The following RNF187 variants were observed in gnomAD, a reference collection of about 807,000 sequenced individuals.
RNF187 encodes the protein E3 ubiquitin-protein ligase RNF187.
A neutral mutation model predicts 22.2 loss-of-function variants in RNF187; 18 were observed. The ratio of observed to expected loss-of-function variants is 0.81; its 90% CI spans 0.56 to 1.20. RNF187 has a LOEUF of 1.20. Among genes scored for constraint, RNF187 ranks in the 50% most tolerant of loss-of-function variants. The pLI is 0.00. For missense variants in RNF187, 329 were observed against 317.6 expected (o/e 1.04, Z -0.27); for synonymous variants, 164 against 140.9 (o/e 1.16, Z -1.16).
chr1:228,491,387 CAAAAAAA>C lies in RNF187; in HGVS notation c.484-1650_484-1644del. ...TGGGTGACAGAGTGAGGCCCTATCT[CAAAAAAA>C]AAAAAAAAAAAAAAATAAAGGGAGA... On this transcript the variant is annotated intron_variant, in intron 2 of 3. Coordinates refer to ENST00000305943, the MANE Select transcript of RNF187 (RefSeq NM_001010858.3). Among the ~76,000 whole-genome samples the C allele has an allele frequency of 1.3e-3, 99 of 75,564 alleles. 3 individuals carry two copies. Among genetic ancestry groups the C allele is most frequent in the East Asian group, 0.011 (25 of 2,226 alleles). The allele number at this position is 75,564 out of a possible 152,430, so 49.6% of individuals were successfully genotyped here.
At position 228,492,959 on chromosome 1, in the gene RNF187, G is replaced by A; in HGVS notation, c.484-94G>A. On this transcript the variant is annotated intron_variant, in intron 2 of 3. Transcript: ENST00000305943. ...GTGCCTGAGCAGCATGTTTTGGAGTGGCATGTTCTTAACTCCTTCAAGAGC... is the reference window on the plus strand; with the variant it reads ...GTGCCTGAGCAGCATGTTTTGGAGTAGCATGTTCTTAACTCCTTCAAGAGC... 3.0e-4 allele frequency: 388 copies of A among 1,302,144 alleles called. 2 individuals carry two copies. In the African/African-American group the frequency reaches 5.3e-3, roughly 18 times the overall value. 80.7% of individuals were successfully genotyped at this position (1,302,144 alleles called of 1,614,324 possible).
intron 2 of RNF187, among the ~76,000 whole-genome samples, chr1:228,491,475 C>G: frequency 6.7e-6 from 1 of 148,194 alleles, no homozygotes; most frequent in African/African-American, 2.5e-5. Context: ...GAGTCTTGCT[C>G]TGTTGCCCAG....
In RNF187 at chr1:228,493,339, T is replaced by C; in HGVS notation, c.705+65T>C. 6.7e-6 allele frequency: 10 copies of C among 1,501,958 alleles called. No individual in the cohort carries two copies. The highest frequency in any genetic ancestry group is 4.2e-5 in the African/African-American group (3 of 72,032). The allele number at this position is 1,501,958 out of a possible 1,614,324, so 93.0% of individuals were successfully genotyped here. On this transcript the variant is annotated intron_variant, in intron 3 of 3. Coordinates refer to ENST00000305943, the MANE Select transcript of RNF187 (RefSeq NM_001010858.3). The surrounding 1 kb of genome is among the most constrained non-coding windows in gnomAD (Gnocchi z 4.7). ...GGTGGACGCAGGCAGCAGCGAGCCA[T>C]TGGGGGACCATTGCCCGAAGTCAAG...
At position 228,493,497 on chromosome 1, in the gene RNF187, A is replaced by G; in HGVS notation, c.705+223A>G. Among the ~76,000 whole-genome samples, 1 of 152,202 alleles carries G rather than the reference A, an allele frequency of 6.6e-6. No homozygotes were observed. The highest frequency in any genetic ancestry group is 1.5e-5 in the Non-Finnish European group (1 of 68,024). On this transcript the variant is annotated intron_variant, in intron 3 of 3. Transcript: ENST00000305943. This position sits in a 1 kb window ranked among gnomAD's most constrained non-coding sequence, Gnocchi z 4.7. ...GGTCTGAGGTGTCCCTGACCTTCAC[A>G]AAGGAGGGCACTTGGCATCCCGAGT... is the stretch of plus-strand genomic sequence containing the variant.
Position 228,495,481 on chromosome 1 carries a change from G to A in RNF187, c.*1596G>A. 3,565 of 985,332 alleles carry A rather than the reference G, an allele frequency of 3.6e-3. 102 individuals carry two copies. In the African/African-American group the frequency reaches 0.059, roughly 16 times the overall value. The allele number at this position is 985,332 out of a possible 1,614,324, so 61.0% of individuals were successfully genotyped here. The stretch of plus-strand genomic sequence containing the variant: ...CCAAGTAGAGAATCTTTGTCAGCAC[G>A]CCAACAACATCCCGACCCTGAGACC... On this transcript the variant is annotated 3_prime_UTR_variant, in exon 4 of 4. Coordinates refer to ENST00000305943, the MANE Select transcript of RNF187 (RefSeq NM_001010858.3).
At position 228,487,412 on chromosome 1, in the gene RNF187, G is replaced by C. The variant is rs914829208; in HGVS notation, c.-77G>C. 2 of 1,068,992 alleles carry C rather than the reference G, an allele frequency of 1.9e-6. No homozygotes were observed. The highest frequency in any genetic ancestry group is 4.5e-5 in the South Asian group (1 of 22,066). The allele number at this position is 1,068,992 out of a possible 1,614,324, so 66.2% of individuals were successfully genotyped here. On this transcript the variant is annotated 5_prime_UTR_variant, in exon 1 of 4. Transcript: ENST00000305943. ...CGTCTTCGTCCTGTTGCTGGTCTCC[G>C]TCCGGTCGCCGGCCGTCTAGGTCTC... is the stretch of plus-strand genomic sequence containing the variant.
In RNF187 at chr1:228,494,524, C is replaced by G; in HGVS notation, c.*639C>G. 2.0e-6 allele frequency: 2 copies of G among 986,450 alleles called. No individual in the cohort carries two copies. Among genetic ancestry groups the G allele is most frequent in the African/African-American group, 1.7e-5 (1 of 57,356 alleles). 61.1% of individuals were successfully genotyped at this position (986,450 alleles called of 1,614,324 possible). On this transcript the variant is annotated 3_prime_UTR_variant, in exon 4 of 4. Transcript: ENST00000305943. ...ACTCCTGTGCCTCCCAGGAGCCCTC[C>G]CTGTGCTCCACCTGCCTCCGCAGAA...
At position 228,494,241 on chromosome 1, in the gene RNF187, C is replaced by A; in HGVS notation, c.*356C>A. 1 of 1,252,476 alleles carries A rather than the reference C, an allele frequency of 8.0e-7. No individual in the cohort carries two copies. The highest frequency in any genetic ancestry group is 1.0e-6 in the Non-Finnish European group (1 of 987,386). 77.6% of individuals were successfully genotyped at this position (1,252,476 alleles called of 1,614,324 possible). A position where few individuals can be genotyped will look rare whatever the true frequency, so the allele number is the denominator to read the frequency against. ...TCATCCAGGGACCCAGACCCTGCAC[C>A]TTCCATGTGGGCCCACAGATCCTTG... On this transcript the variant is annotated 3_prime_UTR_variant, in exon 4 of 4. Coordinates refer to ENST00000305943, the MANE Select transcript of RNF187 (RefSeq NM_001010858.3).
At chr1:228,492,618 CTTTTTTTTTTTTTTT>C in intron 2 of RNF187, among the ~76,000 whole-genome samples, 2 of 62,110 alleles carry the variant, frequency 3.2e-5, no homozygotes, top group East Asian at 1.2e-3. Flanking sequence ...CCGTGCCTGG[CTTTTTTTTTTTTTTT>C]TTTTTTTTTT....
Position 228,494,321 on chromosome 1 carries a change from G to A in RNF187, c.*436G>A. 1 of 1,080,152 alleles carries A rather than the reference G, an allele frequency of 9.3e-7. No homozygotes were observed. The highest frequency in any genetic ancestry group is 1.1e-6 in the Non-Finnish European group (1 of 885,092). 66.9% of individuals were successfully genotyped at this position (1,080,152 alleles called of 1,614,324 possible). On this transcript the variant is annotated 3_prime_UTR_variant, in exon 4 of 4. Transcript: ENST00000305943. ...CGGATTTGGGGTTAGCATCCAGAAA[G>A]AAGAATGCGCATGACGCTCTGTGAA... is the stretch of plus-strand genomic sequence containing the variant.
Position 228,494,483 on chromosome 1 carries a change from TC to T in RNF187, c.*600del. On this transcript the variant is annotated 3_prime_UTR_variant, in exon 4 of 4. Coordinates refer to ENST00000305943, the MANE Select transcript of RNF187 (RefSeq NM_001010858.3). ...CAAGTCGCTCTGTCCACCTCCCCCT[TC>T]CTGGCCCCCACCCCACTCCTGTGCC... 7.1e-6 allele frequency: 7 copies of T among 986,808 alleles called. No homozygotes were observed. The highest frequency in any genetic ancestry group is 7.2e-6 in the Non-Finnish European group (6 of 830,828). 61.1% of individuals were successfully genotyped at this position (986,808 alleles called of 1,614,324 possible). A position where few individuals can be genotyped will look rare whatever the true frequency, so the allele number is the denominator to read the frequency against.
Position 228,489,071 on chromosome 1 carries a change from G to T in RNF187, c.483+19G>T. 6.5e-7 allele frequency: 1 copy of T among 1,539,388 alleles called. No individual in the cohort carries two copies. ...GTGGAAGGCAAGTGGGGGGACCTGG[G>T]GCAGCCTGGAATGAGGGGACTGTGG... is the stretch of plus-strand genomic sequence containing the variant. On this transcript the variant is annotated intron_variant, in intron 2 of 3. Transcript: ENST00000305943.
Position 228,494,212 on chromosome 1 carries a change from CT to C in RNF187, c.*328del. The C allele has an allele frequency of 0.19, 249,915 of 1,325,680 alleles. 29,155 individuals are homozygous for C. Among genetic ancestry groups the C allele is most frequent in the East Asian group, 0.53 (17,164 of 32,288 alleles). The allele number at this position is 1,325,680 out of a possible 1,614,324, so 82.1% of individuals were successfully genotyped here. A position where few individuals can be genotyped will look rare whatever the true frequency, so the allele number is the denominator to read the frequency against. On this transcript the variant is annotated 3_prime_UTR_variant, in exon 4 of 4. Coordinates refer to ENST00000305943, the MANE Select transcript of RNF187 (RefSeq NM_001010858.3). ...CCCTGGTCACCCATCTGCCCCTCAC[CT>C]CGTCATCCAGGGACCCAGACCCTGC...
chr1:228,494,715 T>C lies in RNF187; in HGVS notation c.*830T>C. ...ATTTTGCAAAGCTTGTAGCAGTAGC[T>C]CAGTTGCCTGCAGCATCCTTGTGTG... On this transcript the variant is annotated 3_prime_UTR_variant, in exon 4 of 4. Transcript: ENST00000305943. 1.0e-6 allele frequency: 1 copy of C among 985,532 alleles called. No individual in the cohort carries two copies. Among genetic ancestry groups the C allele is most frequent in the Non-Finnish European group, 1.2e-6 (1 of 830,008 alleles). The allele number at this position is 985,532 out of a possible 1,614,324, so 61.0% of individuals were successfully genotyped here. A position where few individuals can be genotyped will look rare whatever the true frequency, so the allele number is the denominator to read the frequency against.
chr1:228,487,929 T>G, intron 1 of RNF187, 51 bp downstream of exon 1: 1 of 1,071,204 alleles, frequency 9.3e-7, no homozygotes, highest in Non-Finnish European at 1.1e-6. Context: ...CCTGCGCCTC[T>G]CCGCCCCCGC....
In RNF187 at chr1:228,493,312, A is replaced by G; in HGVS notation, c.705+38A>G. ...CGCTGGGTCTGCCCACCATCGGGCC[A>G]GGGTGGACGCAGGCAGCAGCGAGCC... On this transcript the variant is annotated intron_variant, in intron 3 of 3. Coordinates refer to ENST00000305943, the MANE Select transcript of RNF187 (RefSeq NM_001010858.3). The surrounding 1 kb of genome is among the most constrained non-coding windows in gnomAD (Gnocchi z 4.7). 3.3e-6 allele frequency: 5 copies of G among 1,529,026 alleles called. No homozygotes were observed. Among genetic ancestry groups the G allele is most frequent in the South Asian group, 1.2e-5 (1 of 82,824 alleles). 94.7% of individuals were successfully genotyped at this position (1,529,026 alleles called of 1,614,324 possible).
chr1:228,493,904 G>C lies in RNF187; in HGVS notation c.*19G>C. 1 of 1,551,800 alleles carries C rather than the reference G, an allele frequency of 6.4e-7. No homozygotes were observed. The highest frequency in any genetic ancestry group is 8.7e-7 in the Non-Finnish European group (1 of 1,147,004). ...GCAGTGATGGCGCCAACCCGTGGCAGTCCCAGAGCTGGAGGCAGGAGGATG... is the reference window on the plus strand; with the variant it reads ...GCAGTGATGGCGCCAACCCGTGGCACTCCCAGAGCTGGAGGCAGGAGGATG... On this transcript the variant is annotated 3_prime_UTR_variant, in exon 4 of 4. Coordinates refer to ENST00000305943, the MANE Select transcript of RNF187 (RefSeq NM_001010858.3). The surrounding 1 kb of genome is among the most constrained non-coding windows in gnomAD (Gnocchi z 4.7).
chr1:228,493,246 G>T lies in RNF187; in HGVS notation c.677G>T (p.Arg226Leu). The T allele has an allele frequency of 6.4e-7, 1 of 1,550,918 alleles. No homozygotes were observed. The stretch of plus-strand genomic sequence containing the variant: ...GTCTCGGAGCTGGAGAAGAAGCATC[G>T]CAACCTGGGCCTCAGCATGCTGCTG... The change falls in exon 3 of 4, where the codon CGC (arginine) becomes CTC (leucine). Residue 226 changes from arginine to leucine, a missense_variant. Physicochemically the swap from Arg to Leu is moderately radical, Grantham distance 102. Coordinates refer to ENST00000305943, the MANE Select transcript of RNF187 (RefSeq NM_001010858.3). This position sits in a 1 kb window ranked among gnomAD's most constrained non-coding sequence, Gnocchi z 4.7.
Position 228,494,204 on chromosome 1 carries a change from C to G in RNF187, c.*319C>G. On this transcript the variant is annotated 3_prime_UTR_variant, in exon 4 of 4. Transcript: ENST00000305943. ...ATGCCCTTCCCTGGTCACCCATCTG[C>G]CCCTCACCTCGTCATCCAGGGACCC... is the stretch of plus-strand genomic sequence containing the variant. The G allele has an allele frequency of 9.0e-6, 12 of 1,329,676 alleles. No individual in the cohort carries two copies. Among genetic ancestry groups the G allele is most frequent in the Non-Finnish European group, 1.2e-5 (12 of 1,039,912 alleles). The allele number at this position is 1,329,676 out of a possible 1,614,324, so 82.4% of individuals were successfully genotyped here. A position where few individuals can be genotyped will look rare whatever the true frequency, so the allele number is the denominator to read the frequency against.
Sources: gnomAD v4.1 joint callset for allele counts (sites outside exome capture counted in the v4.1 genomes callset) on GRCh38, gnomAD v4.1.1 for gene constraint, Gnocchi (gnomAD v3.1) non-coding constraint, MANE v1.5 for transcripts, NCBI Gene and HGNC (gene_info 2026-07-23, HGNC 2026-07-21) for gene names.